The following GAS7 variants were observed in gnomAD, a reference collection of about 807,000 sequenced individuals.
The protein encoded by GAS7 is growth arrest-specific protein 7.
GAS7 carries 28 observed loss-of-function variants against 71.1 expected under a neutral mutation model. That is an observed-to-expected ratio of 0.39 (90% CI 0.29 to 0.54). GAS7 has a LOEUF of 0.54. Among genes scored for constraint, GAS7 ranks in the 20% least tolerant of loss-of-function variants. GAS7 has a pLI of 0.62. For synonymous variants in GAS7, 258 were observed against 245.8 expected (o/e 1.05, Z -0.46); for missense variants, 436 against 627.8 (o/e 0.69, Z 3.27).
rs754351750 is a variant in GAS7, at chr17:10,103,682, T to C, written c.184-83785A>G. The stretch of plus-strand genomic sequence containing the variant: ...CTCTACCAAAAATACAAAAATTAGC[T>C]GGGTGTGGTGGCACATGCCTGTAAT... On this transcript the variant is annotated intron_variant, in intron 1 of 13. Transcript: ENST00000432992. This position sits in a 1 kb window ranked among gnomAD's most constrained non-coding sequence, Gnocchi z 5.5. 3.9e-5 allele frequency among the ~76,000 whole-genome samples: 6 copies of C among 151,900 alleles called. No individual in the cohort carries two copies. Among genetic ancestry groups the C allele is most frequent in the Admixed American group, 6.6e-5 (1 of 15,250 alleles).
chr17:9,944,875 T>A (rs933021914), intron 6 of GAS7, among the ~76,000 whole-genome samples: 4 of 152,172 alleles, frequency 2.6e-5, no homozygotes, highest in Admixed American at 2.0e-4. Context: ...CTATGCACTC[T>A]GGGGAAAACC....
intron 1 of GAS7, among the ~76,000 whole-genome samples, chr17:10,181,996 G>A (rs2142143963): frequency 6.6e-6 from 1 of 152,308 alleles, no homozygotes; most frequent in South Asian, 2.1e-4. Flanking sequence ...ACCCTATATG[G>A]TCTGAAAGGG....
intron 1 of GAS7, among the ~76,000 whole-genome samples, chr17:10,147,134 A>G (rs2074127889): frequency 6.6e-6 from 1 of 152,196 alleles, no homozygotes; most frequent in Admixed American, 6.5e-5. Flanking sequence ...GCTTAGTCAC[A>G]TGGTTTGCCA....
chr17:9,998,045 T>C (rs1277307899), intron 2 of GAS7, among the ~76,000 whole-genome samples: 1 of 152,200 alleles, frequency 6.6e-6, no homozygotes, highest in Non-Finnish European at 1.5e-5. Flanking sequence ...TCACTGGGAA[T>C]TGATAATCAG....
At position 9,984,057 on chromosome 17, in the gene GAS7, G is replaced by A. The variant is rs2070541075; in HGVS notation, c.305-2173C>T. Reference sequence around the variant, plus strand: ...ACCAATACCAAAGGCCCACATACATGCCTCTAGCGCTAAGTCATTTTTAAA... The same window carrying A: ...ACCAATACCAAAGGCCCACATACATACCTCTAGCGCTAAGTCATTTTTAAA... On this transcript the variant is annotated intron_variant, in intron 2 of 13. Transcript: ENST00000432992. 2.0e-5 allele frequency among the ~76,000 whole-genome samples: 3 copies of A among 152,136 alleles called. No homozygotes were observed. In the South Asian group the frequency reaches 6.2e-4, roughly 32 times the overall value.
intron 1 of GAS7, among the ~76,000 whole-genome samples, chr17:10,156,351 G>A (rs1488838940): frequency 1.3e-5 from 2 of 152,150 alleles, no homozygotes; most frequent in African/African-American, 4.8e-5. Context: ...GGATCTTTAT[G>A]AACAAGATCC....
chr17:10,093,312 T>C (rs1171510069), intron 1 of GAS7, among the ~76,000 whole-genome samples: 1 of 151,754 alleles, frequency 6.6e-6, no homozygotes, highest in Non-Finnish European at 1.5e-5. Context: ...GCATGGTGGC[T>C]CACGCCTGTA....
chr17:10,134,794 C>T (rs1305589183), intron 1 of GAS7, among the ~76,000 whole-genome samples: 1 of 151,870 alleles, frequency 6.6e-6, no homozygotes, highest in Admixed American at 6.6e-5. Flanking sequence ...CCTGGGCAGA[C>T]AGTAGAAGCT....
intron 5 of GAS7, among the ~76,000 whole-genome samples, chr17:9,953,588 A>G (rs2069105588): frequency 1.3e-5 from 2 of 152,208 alleles, no homozygotes; most frequent in Non-Finnish European, 2.9e-5. Context: ...GAGGTATCCG[A>G]ATCCAGATCC....
intron 11 of GAS7, 39 bp downstream of exon 11, chr17:9,925,437 G>C (rs528535420): frequency 6.2e-7 from 1 of 1,608,430 alleles, no homozygotes; most frequent in African/African-American, 1.3e-5. Context: ...CTCTCCTTCT[G>C]TGTGCACTGA....
Position 10,060,417 on chromosome 17 carries a change from T to G in GAS7, c.184-40520A>C, listed in dbSNP as rs749001915. On this transcript the variant is annotated intron_variant, in intron 1 of 13. Coordinates refer to ENST00000432992, the MANE Select transcript of GAS7 (RefSeq NM_201433.2). The stretch of plus-strand genomic sequence containing the variant: ...CTTTTCCCTGCTACCACCACCTCCT[T>G]TTTCTACATTCCTCTTGGATATTGC... Among the ~76,000 whole-genome samples the G allele has an allele frequency of 5.3e-5, 8 of 152,246 alleles. 1 individual carries two copies.
At chr17:9,978,093 A>C (rs1828698499) in intron 3 of GAS7, among the ~76,000 whole-genome samples, 1 of 152,108 alleles carries the variant, frequency 6.6e-6, no homozygotes, top group African/African-American at 2.4e-5. Flanking sequence ...ATGTGCCTAT[A>C]GTCCCAATTA....
At position 9,969,799 on chromosome 17, in the gene GAS7, GC is replaced by G; in HGVS notation, c.386-38del. On this transcript the variant is annotated intron_variant, in intron 3 of 13. Coordinates refer to ENST00000432992, the MANE Select transcript of GAS7 (RefSeq NM_201433.2). This position sits in a 1 kb window ranked among gnomAD's most constrained non-coding sequence, Gnocchi z 5.5. ...GAGACACGGCTCAGATGCTGTGTGGGCCACAGATGGGCACCCCCGCCTTTCG... is the reference window on the plus strand; with the variant it reads ...GAGACACGGCTCAGATGCTGTGTGGGCACAGATGGGCACCCCCGCCTTTCG... 1 of 1,337,978 alleles carries G rather than the reference GC, an allele frequency of 7.5e-7. No homozygotes were observed. The highest frequency in any genetic ancestry group is 1.1e-6 in the Non-Finnish European group (1 of 928,758). The allele number at this position is 1,337,978 out of a possible 1,614,324, so 82.9% of individuals were successfully genotyped here. A position where few individuals can be genotyped will look rare whatever the true frequency, so the allele number is the denominator to read the frequency against.
At chr17:9,973,116 A>G (rs964100275) in intron 3 of GAS7, among the ~76,000 whole-genome samples, 3 of 152,216 alleles carry the variant, frequency 2.0e-5, no homozygotes, top group African/African-American at 7.2e-5. Context: ...ACCATTAGCA[A>G]ACCATGGCTG....
chr17:9,939,302 CT>C (rs2068512300), intron 8 of GAS7, among the ~76,000 whole-genome samples: 3 of 152,150 alleles, frequency 2.0e-5, no homozygotes, highest in Admixed American at 2.0e-4. Context: ...AGGAGTCCTT[CT>C]GTGGCTGGGA....
rs146500209 is a variant in GAS7, at chr17:10,109,927, G to T, written c.183+88281C>A. 2.8e-3 allele frequency among the ~76,000 whole-genome samples: 432 copies of T among 152,070 alleles called. 1 individual carries two copies. Among genetic ancestry groups the T allele is most frequent in the African/African-American group, 0.01 (421 of 41,476 alleles). ...AAATCAGCTGGGCGTGGTGGTGGGC[G>T]CCTGTAATCCCAGCTATTCGGGAGG... On this transcript the variant is annotated intron_variant, in intron 1 of 13. Coordinates refer to ENST00000432992, the MANE Select transcript of GAS7 (RefSeq NM_201433.2).
chr17:10,020,995 T>C (rs1020393834), intron 1 of GAS7, among the ~76,000 whole-genome samples: 1 of 151,676 alleles, frequency 6.6e-6, no homozygotes, highest in African/African-American at 2.4e-5. Flanking sequence ...GCAATTATTA[T>C]ACTCTCCTTT....
In GAS7 at chr17:9,969,984, G is replaced by A. The variant is rs1462708794; in HGVS notation, c.386-222C>T. 6.6e-6 allele frequency among the ~76,000 whole-genome samples: 1 copy of A among 152,122 alleles called. No individual in the cohort carries two copies. Among genetic ancestry groups the A allele is most frequent in the Non-Finnish European group, 1.5e-5 (1 of 68,024 alleles). ...AGCACCCAAATTACTGAATTCTTAG[G>A]GGACTGAGTTTCTTTTTTAACCCGA... On this transcript the variant is annotated intron_variant, in intron 3 of 13. Transcript: ENST00000432992. This position sits in a 1 kb window ranked among gnomAD's most constrained non-coding sequence, Gnocchi z 5.5.
rs2068029898 is a variant in GAS7 at position 9,927,063 on chromosome 17, G to A, written c.886-294C>T. On this transcript the variant is annotated intron_variant, in intron 9 of 13. Coordinates refer to ENST00000432992, the MANE Select transcript of GAS7 (RefSeq NM_201433.2). ...TTAACTACTTTTTTTCTGAGCTTCT[G>A]CAGCTTTTAAATTTTTAGAATTTTT... The A allele has an allele frequency of 3.5e-5, 12 of 346,912 alleles. No homozygotes were observed. The South Asian group carries it at 6.8e-4, about 20-fold the overall frequency. 21.5% of individuals were successfully genotyped at this position (346,912 alleles called of 1,614,324 possible).
Sources: gnomAD v4.1 joint callset for allele counts (sites outside exome capture counted in the v4.1 genomes callset) on GRCh38, gnomAD v4.1.1 for gene constraint, Gnocchi (gnomAD v3.1) non-coding constraint, MANE v1.5 for transcripts, NCBI Gene and HGNC (gene_info 2026-07-23, HGNC 2026-07-21) for gene names.